Variants in CCDC192 observed in about 807,000 individuals in gnomAD.
The protein encoded by CCDC192 is coiled-coil domain containing 192.
At position 127,857,284 on chromosome 5, in the gene CCDC192, T is replaced by C. The variant is rs57946659; in HGVS notation, c.412-18254T>C. Among the ~76,000 whole-genome samples, 654 of 152,270 alleles carry C rather than the reference T, an allele frequency of 4.3e-3. 6 individuals carry two copies. Among genetic ancestry groups the C allele is most frequent in the African/African-American group, 0.015 (612 of 41,558 alleles). On this transcript the variant is annotated intron_variant, in intron 5 of 6. Coordinates refer to ENST00000514853, the MANE Select transcript of CCDC192 (RefSeq NM_001317938.2). ...GTCCTTCCAGTTGTAAGCTGAGAACTGGGACTCATCCTGAATACCTCCCTC... is the reference window on the plus strand; with the variant it reads ...GTCCTTCCAGTTGTAAGCTGAGAACCGGGACTCATCCTGAATACCTCCCTC...
chr5:127,764,271 G>A (rs1333939298), intron 3 of CCDC192, among the ~76,000 whole-genome samples: 1 of 152,184 alleles, frequency 6.6e-6, no homozygotes, highest in African/African-American at 2.4e-5. Flanking sequence ...ATATCAATGT[G>A]TAGGCTCTTA....
At chr5:127,911,148 G>C (rs1431134825) in intron 6 of CCDC192, among the ~76,000 whole-genome samples, 1 of 152,150 alleles carries the variant, frequency 6.6e-6, no homozygotes, top group Non-Finnish European at 1.5e-5. Context: ...ATTTCACAAG[G>C]CATGCATTGA....
intron 3 of CCDC192, among the ~76,000 whole-genome samples, chr5:127,764,644 C>T (rs767607117): frequency 1.6e-4 from 25 of 151,970 alleles, no homozygotes; most frequent in Non-Finnish European, 3.7e-4. Flanking sequence ...TCTGGGGTGT[C>T]TAATCTTTTG....
intron 2 of CCDC192, among the ~76,000 whole-genome samples, chr5:127,738,026 C>T (rs1157639748): frequency 5.3e-5 from 8 of 151,738 alleles, no homozygotes; most frequent in Non-Finnish European, 7.4e-5. Flanking sequence ...TTCCTAGTCT[C>T]GATGGTCCTT....
intron 3 of CCDC192, among the ~76,000 whole-genome samples, chr5:127,766,192 T>TG (rs1755216024): frequency 6.6e-6 from 1 of 152,168 alleles, no homozygotes; most frequent in Admixed American, 6.5e-5. Flanking sequence ...TTGCCTAAGA[T>TG]GGAGAGCAGT....
chr5:127,737,165 T>G (rs1251902025), intron 2 of CCDC192, among the ~76,000 whole-genome samples: 1 of 152,022 alleles, frequency 6.6e-6, no homozygotes, highest in African/African-American at 2.4e-5. Flanking sequence ...ACATCTTCAT[T>G]TCTGCCTTCA....
chr5:127,759,774 C>T (rs947761865), intron 3 of CCDC192, among the ~76,000 whole-genome samples: 5 of 152,184 alleles, frequency 3.3e-5, no homozygotes, highest in Non-Finnish European at 7.3e-5. Flanking sequence ...CACACTGCCC[C>T]GCTCGCTACC....
At chr5:127,860,907 A>G (rs1383448204) in intron 5 of CCDC192, among the ~76,000 whole-genome samples, 2 of 152,224 alleles carry the variant, frequency 1.3e-5, no homozygotes, top group African/African-American at 4.8e-5. Context: ...TATACCACAA[A>G]AATGACCAGT....
At chr5:127,818,019 T>C (rs562144895) in intron 5 of CCDC192, among the ~76,000 whole-genome samples, 1 of 152,272 alleles carries the variant, frequency 6.6e-6, no homozygotes, top group African/African-American at 2.4e-5. Context: ...GTAAAAATAG[T>C]ACAAATTACT....
chr5:127,924,339 T>C (rs1456086029), intron 6 of CCDC192, among the ~76,000 whole-genome samples: 1 of 152,230 alleles, frequency 6.6e-6, no homozygotes, highest in Non-Finnish European at 1.5e-5. Context: ...CCTAAGCCTT[T>C]GTTTATCCAG....
chr5:127,743,595 GC>G (rs1171744396), intron 2 of CCDC192, among the ~76,000 whole-genome samples: 1 of 152,104 alleles, frequency 6.6e-6, no homozygotes, highest in African/African-American at 2.4e-5. Flanking sequence ...TCCTCCCAGG[GC>G]CACCACCTGC....
intron 5 of CCDC192, among the ~76,000 whole-genome samples, chr5:127,835,928 C>T (rs192531618): frequency 2.0e-5 from 3 of 152,276 alleles, no homozygotes; most frequent in East Asian, 3.9e-4. Flanking sequence ...TTCATGTCCT[C>T]ACATTTCAAA....
chr5:127,751,582 A>C (rs1046476401), intron 2 of CCDC192, among the ~76,000 whole-genome samples: 3 of 152,078 alleles, frequency 2.0e-5, no homozygotes, highest in African/African-American at 7.2e-5. Context: ...TGAATCTGAC[A>C]ATTATGTGTC....
chr5:127,839,838 T>TA (rs1750206222), intron 5 of CCDC192, among the ~76,000 whole-genome samples: 1 of 152,076 alleles, frequency 6.6e-6, no homozygotes, highest in Admixed American at 6.5e-5. Flanking sequence ...TAAGAGTTTT[T>TA]AAAAATACTG....
intron 3 of CCDC192, among the ~76,000 whole-genome samples, chr5:127,772,808 A>G (rs897351989): frequency 3.9e-5 from 6 of 152,188 alleles, no homozygotes; most frequent in African/African-American, 1.2e-4. Flanking sequence ...CATGGATGCT[A>G]GCTAATCCAA....
chr5:127,921,162 A>AGG (rs553075781), intron 6 of CCDC192, among the ~76,000 whole-genome samples: 1 of 142,142 alleles, frequency 7.0e-6, no homozygotes, highest in Non-Finnish European at 1.5e-5. Flanking sequence ...GAAAGGAGAA[A>AGG]AGAAAAGAAA....
chr5:127,748,935 C>T (rs376132638), intron 2 of CCDC192, among the ~76,000 whole-genome samples: 193 of 151,896 alleles, frequency 1.3e-3, no homozygotes, highest in African/African-American at 4.5e-3. Context: ...ATAGGAATGC[C>T]TGTGATTTTT....
At chr5:127,752,333 A>G (rs1389104396) in intron 2 of CCDC192, among the ~76,000 whole-genome samples, 1 of 152,078 alleles carries the variant, frequency 6.6e-6, no homozygotes, top group Non-Finnish European at 1.5e-5. Context: ...CTTCTAACAG[A>G]CAGGACCCTC....
chr5:127,708,128 C>T (rs369057009), intron 2 of CCDC192, among the ~76,000 whole-genome samples: 4 of 152,140 alleles, frequency 2.6e-5, no homozygotes, highest in Non-Finnish European at 4.4e-5. Context: ...AATTCACACA[C>T]GAATGATATA....
Sources: gnomAD v4.1 joint callset for allele counts (sites outside exome capture counted in the v4.1 genomes callset) on GRCh38, gnomAD v4.1.1 for gene constraint, MANE v1.5 for transcripts, NCBI Gene and HGNC (gene_info 2026-07-23, HGNC 2026-07-21) for gene names.